CCDC171: variants seen among roughly 807,000 people sequenced by gnomAD.
The protein encoded by CCDC171 is coiled-coil domain containing 171.
CCDC171 carries 177 observed loss-of-function variants against 168.2 expected under a neutral mutation model. The ratio of observed to expected loss-of-function variants is 1.05; its 90% confidence interval spans 0.93 to 1.19. The LOEUF is 1.19. Among genes scored for constraint, CCDC171 ranks in the 50% most tolerant of loss-of-function variants. CCDC171 has a pLI of 0.00. For synonymous variants in CCDC171, 687 were observed against 540.8 expected, an observed-to-expected ratio of 1.27 and a Z score of -3.75; for missense variants, 1,991 against 1,539.0, an observed-to-expected ratio of 1.29 and a Z score of -4.91.
At chr9:15,763,810 A>T (rs1207304481) in intron 18 of CCDC171, among the ~76,000 whole-genome samples, 1 of 152,196 alleles carries the variant, frequency 6.6e-6, no homozygotes. Context: ...TTCATTCATT[A>T]ACTTATTGAT....
intron 18 of CCDC171, among the ~76,000 whole-genome samples, chr9:15,753,232 C>T (rs907151297): frequency 6.6e-6 from 1 of 151,950 alleles, no homozygotes; most frequent in Non-Finnish European, 1.5e-5. Flanking sequence ...GGGAAGACTT[C>T]AGGGAGGAGC....
intron 9 of CCDC171, among the ~76,000 whole-genome samples, chr9:15,674,859 G>GTAGA (rs2049401436): frequency 6.6e-6 from 1 of 152,180 alleles, no homozygotes; most frequent in Non-Finnish European, 1.5e-5. Flanking sequence ...GGAGAGTTCT[G>GTAGA]TAGATGTCTG....
intron 11 of CCDC171, among the ~76,000 whole-genome samples, chr9:15,700,057 T>G (rs568091821): frequency 6.6e-6 from 1 of 152,152 alleles, no homozygotes; most frequent in South Asian, 2.1e-4. Flanking sequence ...TCCTCAGCCC[T>G]TGGGTGGTCG....
chr9:15,704,260 C>T (rs2052033278), intron 11 of CCDC171, among the ~76,000 whole-genome samples: 1 of 152,138 alleles, frequency 6.6e-6, no homozygotes, highest in South Asian at 2.1e-4. Context: ...GCTAGGTGTG[C>T]ACATATGGTC....
At chr9:15,859,030 A>T (rs79772321) in intron 23 of CCDC171, among the ~76,000 whole-genome samples, 2,353 of 152,154 alleles carry the variant, frequency 0.015, 83 homozygotes, top group African/African-American at 0.054. Context: ...CTCTACATAT[A>T]TGGCCTTTGG....
At position 15,971,606 on chromosome 9, in the gene CCDC171, CAGAT is replaced by C. The variant is rs761373625; in HGVS notation, c.3754_3757del (p.Ile1252AspfsTer29). On this transcript the variant is annotated splice_acceptor_variant and coding_sequence_variant, in exon 26 of 26. Transcript: ENST00000380701. LOFTEE classifies it high-confidence loss of function. ...TATTATTTTTTTCTTTTGTATGTCA[CAGAT>C]AGGATCACGAGACCATTCAAATCTC... 5.2e-5 allele frequency: 84 copies of C among 1,606,234 alleles called. No individual in the cohort carries two copies. The Middle Eastern group carries it at 6.6e-4, about 13-fold the overall frequency.
intron 6 of CCDC171, among the ~76,000 whole-genome samples, chr9:16,033,361 G>C (rs769574966): frequency 1.4e-4 from 22 of 152,154 alleles, no homozygotes; most frequent in Non-Finnish European, 2.5e-4. Flanking sequence ...ACTCTCCATC[G>C]CTCACATTAC....
intron 6 of CCDC171, among the ~76,000 whole-genome samples, chr9:15,621,451 A>T (rs2044498095): frequency 6.6e-6 from 1 of 152,166 alleles, no homozygotes; most frequent in Admixed American, 6.6e-5. Context: ...AACCAGCCAT[A>T]TCTCTAAGGT....
intron 11 of CCDC171, among the ~76,000 whole-genome samples, chr9:15,706,955 A>G (rs1174578040): frequency 3.3e-5 from 5 of 152,094 alleles, no homozygotes; most frequent in Admixed American, 3.3e-4. Context: ...AACAAATTGG[A>G]TTTTTCCTCC....
intron 7 of CCDC171, among the ~76,000 whole-genome samples, chr9:15,626,265 A>C (rs1052600106): frequency 2.6e-5 from 4 of 152,136 alleles, no homozygotes; most frequent in Non-Finnish European, 5.9e-5. Context: ...CTGAAAATGG[A>C]CAATTTGACT....
At chr9:15,574,143 T>C (rs2040447528) in intron 3 of CCDC171, among the ~76,000 whole-genome samples, 2 of 151,060 alleles carry the variant, frequency 1.3e-5, no homozygotes, top group South Asian at 4.1e-4. Flanking sequence ...TTCTTTCTCT[T>C]TTTCTTTTTT....
the CCDC171 span, among the ~76,000 whole-genome samples, chr9:16,105,374 C>G: frequency 1.3e-5 from 2 of 152,248 alleles, no homozygotes; most frequent in South Asian, 4.2e-4. Flanking sequence ...AGCACACACT[C>G]CCTGTCCACC....
intron 3 of CCDC171, among the ~76,000 whole-genome samples, chr9:15,574,326 G>T (rs1281420758): frequency 1.3e-5 from 2 of 151,974 alleles, no homozygotes; most frequent in African/African-American, 2.4e-5. Flanking sequence ...TGTATTTTTA[G>T]TAGAGACGGG....
At chr9:15,607,385 G>GTT (rs1397460700) in intron 6 of CCDC171, among the ~76,000 whole-genome samples, 16 of 152,222 alleles carry the variant, frequency 1.1e-4, no homozygotes, top group African/African-American at 3.6e-4. Flanking sequence ...ACAGTATATT[G>GTT]TATTATTTTA....
chr9:15,839,803 T>A (rs1166568472), intron 21 of CCDC171, among the ~76,000 whole-genome samples: 1 of 152,092 alleles, frequency 6.6e-6, no homozygotes, highest in African/African-American at 2.4e-5. Flanking sequence ...TAGAATTTTT[T>A]CCCCCATGGA....
chr9:16,087,539 C>G, the CCDC171 span, among the ~76,000 whole-genome samples: 1 of 141,610 alleles, frequency 7.1e-6, no homozygotes, highest in East Asian at 2.1e-4. Context: ...TTATCAGAGA[C>G]TAGGATTGCA....
At chr9:15,588,723 T>TA (rs2041767969) in intron 4 of CCDC171, 4 of 115,980 alleles carry the variant, frequency 3.4e-5, no homozygotes, top group East Asian at 6.0e-4. Context: ...TTTTTTTTTT[T>TA]ATGAGACGGA....
In CCDC171 at chr9:16,050,297, T is replaced by C. The variant is rs2133069750; in HGVS notation, n.89+7411T>C. 2.0e-5 allele frequency among the ~76,000 whole-genome samples: 3 copies of C among 152,370 alleles called. No individual in the cohort carries two copies. In the South Asian group the frequency reaches 6.2e-4, roughly 32 times the overall value. On this transcript the variant is annotated intron_variant and non_coding_transcript_variant, in intron 1 of 1. Coordinates refer to the CCDC171 transcript ENST00000478913. The stretch of plus-strand genomic sequence containing the variant: ...TAAATGTTTAAAGGCTAATTATTAC[T>C]GGTGCTGTAAAAGCATAAATTGCTT...
At chr9:15,596,154 T>C (rs374952572) in intron 6 of CCDC171, among the ~76,000 whole-genome samples, 1 of 152,182 alleles carries the variant, frequency 6.6e-6, no homozygotes, top group African/African-American at 2.4e-5. Flanking sequence ...TTTAATTAGA[T>C]CCCATTTGTC....
Sources: allele counts gnomAD v4.1 joint callset (sites outside exome capture counted in the v4.1 genomes callset), GRCh38; gene constraint gnomAD v4.1.1; transcripts MANE v1.5; gene names NCBI Gene and HGNC (gene_info 2026-07-23, HGNC 2026-07-21).